The following FGF13 variants were observed in gnomAD, a reference collection of about 807,000 sequenced individuals.
The protein encoded by FGF13 is fibroblast growth factor homologous factor 2.
In FGF13, 2 loss-of-function variants were observed where a neutral mutation model predicts 19.5. The ratio of observed to expected loss-of-function variants is 0.10; its 90% confidence interval spans 0.04 to 0.32. The LOEUF (loss-of-function observed/expected upper bound fraction) is 0.32. Among genes scored for constraint, FGF13 ranks in the 10% least tolerant of loss-of-function variants. The pLI is 1.00. For synonymous variants in FGF13, 72 were observed against 76.9 expected (o/e 0.94, Z 0.33); for missense variants, 113 against 192.7 (o/e 0.59, Z 2.45).
At chrX:138,677,241 T>C (rs1029061370) in intron 3 of FGF13, among the ~76,000 whole-genome samples, 1 of 111,246 alleles carries the variant, frequency 9.0e-6, no homozygotes, top group South Asian at 3.8e-4. Context: ...AAAACCTAGG[T>C]ATTACCATTC....
rs1327196911 is a variant in FGF13 at position 138,620,951 on chromosome X, A to T, written c.*11899T>A. ...ACAAGATGCAATTTTGAATATATAC[A>T]CACCCAACATTGGATCACCTAAATA... On this transcript the variant is annotated 3_prime_UTR_variant, in exon 5 of 5. Coordinates refer to ENST00000315930, the MANE Select transcript of FGF13 (RefSeq NM_004114.5). The T allele has an allele frequency of 8.9e-6, 1 of 112,007 alleles. No homozygotes were observed. Among genetic ancestry groups the T allele is most frequent in the Non-Finnish European group, 1.9e-5 (1 of 53,166 alleles). The allele number at this position is 112,007 out of a possible 1,213,427, so 9.2% of individuals were successfully genotyped here.
At chrX:138,942,902 G>C (rs999359137) in intron 1 of FGF13, among the ~76,000 whole-genome samples, 1 of 110,885 alleles carries the variant, frequency 9.0e-6, no homozygotes, top group Non-Finnish European at 1.9e-5. Context: ...TCTCATCTTA[G>C]AGATTGCTCT....
At chrX:139,018,222 T>G (rs1190244561) in intron 1 of FGF13, among the ~76,000 whole-genome samples, 1 of 111,653 alleles carries the variant, frequency 9.0e-6, no homozygotes, top group Non-Finnish European at 1.9e-5. Context: ...ATGTCTCCAG[T>G]AAACCTGCAC....
At chrX:138,833,510 T>C (rs1387003266) in intron 3 of FGF13, among the ~76,000 whole-genome samples, 1 of 112,218 alleles carries the variant, frequency 8.9e-6, no homozygotes, top group Non-Finnish European at 1.9e-5. Flanking sequence ...ACTGATTTTG[T>C]ATCCTGAGAC....
At chrX:138,818,687 T>C (rs2090978859) in intron 3 of FGF13, among the ~76,000 whole-genome samples, 1 of 111,076 alleles carries the variant, frequency 9.0e-6, no homozygotes, top group Non-Finnish European at 1.9e-5. Flanking sequence ...AGCAATTCGG[T>C]ATGTGCTGGC....
chrX:139,009,441 G>C (rs1016026761), intron 1 of FGF13, among the ~76,000 whole-genome samples: 6 of 111,835 alleles, frequency 5.4e-5, no homozygotes, highest in African/African-American at 1.9e-4. Flanking sequence ...CTTATCAGAT[G>C]AACGCAGATT....
intron 1 of FGF13, among the ~76,000 whole-genome samples, chrX:138,934,031 A>C (rs1327583703): frequency 2.7e-5 from 3 of 112,371 alleles, no homozygotes; most frequent in African/African-American, 9.7e-5. Flanking sequence ...TAATCAACAG[A>C]TACAATTTTA....
intron 1 of FGF13, among the ~76,000 whole-genome samples, chrX:138,932,002 C>G (rs2091703667): frequency 1.8e-5 from 2 of 110,059 alleles, no homozygotes; most frequent in Admixed American, 1.9e-4. Flanking sequence ...AGCAAACTAT[C>G]CCCCCACCCC....
At chrX:138,920,049 G>A (rs770690690) in intron 1 of FGF13, among the ~76,000 whole-genome samples, 3 of 111,445 alleles carry the variant, frequency 2.7e-5, no homozygotes, top group Admixed American at 9.6e-5. Flanking sequence ...ATTAAGAAGA[G>A]GGGAGAGTAG....
intron 1 of FGF13, among the ~76,000 whole-genome samples, chrX:138,891,379 TC>T (rs928762769): frequency 8.1e-5 from 9 of 111,404 alleles, no homozygotes; most frequent in Non-Finnish European, 1.5e-4. Flanking sequence ...AGGGCTCACT[TC>T]CTGGTTCAGA....
chrX:138,991,166 G>A (rs2092014132), intron 1 of FGF13, among the ~76,000 whole-genome samples: 1 of 112,038 alleles, frequency 8.9e-6, no homozygotes, highest in Non-Finnish European at 1.9e-5. Flanking sequence ...TGTTATAGCT[G>A]TTAAGTGCTA....
chrX:138,809,321 A>G (rs1167365117), intron 3 of FGF13, among the ~76,000 whole-genome samples: 1 of 112,309 alleles, frequency 8.9e-6, no homozygotes, highest in African/African-American at 3.2e-5. Context: ...AATCCATCAC[A>G]TAAACAGAAC....
rs371712945 is a variant in FGF13 at position 138,898,366 on chromosome X, G to C, written c.-112-33716C>G. ...ATAAATATTTCTTGAACATCTAGTG[G>C]GGGCCAGGCCAGGCAATTTACCACG... On this transcript the variant is annotated intron_variant, in intron 1 of 2. Transcript: ENST00000421460. Among the ~76,000 whole-genome samples, 15 of 111,722 alleles carry C rather than the reference G, an allele frequency of 1.3e-4. No individual in the cohort carries two copies. In the South Asian group the frequency reaches 5.6e-3, roughly 42 times the overall value.
chrX:138,791,085 CA>C (rs761960290), intron 3 of FGF13, among the ~76,000 whole-genome samples: 114 of 112,449 alleles, frequency 1.0e-3, no homozygotes, highest in Middle Eastern at 9.3e-3. Context: ...AAAAATTTAA[CA>C]AAAAGAAAAC....
chrX:139,088,657 A>G (rs761476174), intron 1 of FGF13, among the ~76,000 whole-genome samples: 1 of 111,600 alleles, frequency 9.0e-6, no homozygotes, highest in South Asian at 3.8e-4. Context: ...CCCTCTCACA[A>G]TCTCCAATTC....
At chrX:139,135,041 A>G (rs1219186204) in intron 1 of FGF13, among the ~76,000 whole-genome samples, 1 of 112,276 alleles carries the variant, frequency 8.9e-6, no homozygotes, top group Non-Finnish European at 1.9e-5. Flanking sequence ...TGGCAGAAAA[A>G]AAAAACTGCT....
upstream of FGF13, chrX:138,711,995 AT>A (rs1213915637): frequency 9.0e-6 from 1 of 111,156 alleles, no homozygotes; most frequent in Non-Finnish European, 1.9e-5. Context: ...TTTGCTCGGC[AT>A]TGGGGGATGG....
chrX:138,945,465 G>T (rs189968589), intron 1 of FGF13, among the ~76,000 whole-genome samples: 7 of 111,581 alleles, frequency 6.3e-5, no homozygotes, highest in Admixed American at 5.7e-4. Context: ...AGCAGGACTG[G>T]TTAGTTCGGC....
At chrX:138,695,831 C>A (rs2089890330) in intron 3 of FGF13, among the ~76,000 whole-genome samples, 1 of 111,968 alleles carries the variant, frequency 8.9e-6, no homozygotes, top group Admixed American at 9.5e-5. Context: ...AATCAAGGCA[C>A]TGGGGATATA....
Sources: gnomAD v4.1 joint callset for allele counts (sites outside exome capture counted in the v4.1 genomes callset) on GRCh38, gnomAD v4.1.1 for gene constraint, MANE v1.5 for transcripts, NCBI Gene and HGNC (gene_info 2026-07-23, HGNC 2026-07-21) for gene names.